CHD1: variants seen among roughly 807,000 people sequenced by gnomAD.
The protein encoded by CHD1 is chromodomain helicase DNA binding protein 1.
A neutral mutation model predicts 224.2 loss-of-function variants in CHD1; 36 were observed. The observed-to-expected ratio is 0.16, with a 90% confidence interval of 0.12 to 0.21. The LOEUF is 0.21. Ranked by LOEUF, CHD1 falls within the 10% of genes least tolerant of loss-of-function variation. The pLI, the probability that CHD1 is intolerant of heterozygous loss-of-function variation, is 1.00. For missense variants in CHD1, 1,378 were observed against 1,994.8 expected (o/e 0.69, Z 5.89); for synonymous variants, 668 against 658.3 (o/e 1.01, Z -0.23).
chr5:98,854,042 C>T lies in CHD1; in HGVS notation c.*2338G>A, dbSNP rs1270476368. 1 of 151,874 alleles carries T rather than the reference C, an allele frequency of 6.6e-6. No individual in the cohort carries two copies. The highest frequency in any genetic ancestry group is 1.5e-5 in the Non-Finnish European group (1 of 67,850). 9.4% of individuals were successfully genotyped at this position (151,874 alleles called of 1,614,324 possible). A position where few individuals can be genotyped will look rare whatever the true frequency, so the allele number is the denominator to read the frequency against. ...GAAGGTTAATTGGTACAGTACTATA[C>T]ATAATCTCTCACCCTTGAAAAATTA... On this transcript the variant is annotated 3_prime_UTR_variant, in exon 36 of 36. Coordinates refer to ENST00000614616, the MANE Select transcript of CHD1 (RefSeq NM_001270.4).
chr5:98,884,308 T>C (rs1403129806), intron 18 of CHD1, among the ~76,000 whole-genome samples: 2 of 151,958 alleles, frequency 1.3e-5, no homozygotes, highest in Admixed American at 1.3e-4. Flanking sequence ...TCTCCTGACC[T>C]CATGATCCGC....
intron 34 of CHD1, 44 bp downstream of exon 34, chr5:98,858,920 A>C (rs768299632): frequency 2.8e-6 from 4 of 1,408,076 alleles, no homozygotes; most frequent in South Asian, 1.5e-5. Flanking sequence ...AATTTAAAAA[A>C]AATTTTTTTT....
At chr5:98,912,649 C>T (rs114458284) in intron 2 of CHD1, among the ~76,000 whole-genome samples, 2,226 of 151,948 alleles carry the variant, frequency 0.015, 26 homozygotes, top group Non-Finnish European at 0.025. Flanking sequence ...CCATCCCGAG[C>T]GACAAGGCAA....
intron 2 of CHD1, among the ~76,000 whole-genome samples, chr5:98,911,146 A>AAAAAAAAAAATAT (rs1491111295): frequency 2.6e-5 from 1 of 39,142 alleles, no homozygotes; most frequent in African/African-American, 1.2e-4. Context: ...AAAAAAAAAA[A>AAAAAAAAAAATAT]ATATATATAT....
intron 29 of CHD1, among the ~76,000 whole-genome samples, chr5:98,870,099 T>G (rs1193097968): frequency 6.6e-6 from 1 of 152,110 alleles, no homozygotes; most frequent in African/African-American, 2.4e-5. Flanking sequence ...TTATTATTCC[T>G]TTAAAAAAAG....
At chr5:98,881,883 A>G in intron 20 of CHD1, 92 bp downstream of exon 20, 3 of 1,095,670 alleles carry the variant, frequency 2.7e-6, no homozygotes, top group Non-Finnish European at 3.9e-6. Flanking sequence ...AACTCTGAAT[A>G]CATTTCCTCA....
At chr5:98,867,700 G>A (rs898113284) in intron 31 of CHD1, among the ~76,000 whole-genome samples, 8 of 151,380 alleles carry the variant, frequency 5.3e-5, no homozygotes, top group African/African-American at 1.7e-4. Flanking sequence ...AAGTCTTTCC[G>A]AGTTGCTTCT....
At chr5:98,911,146 A>AAAAAAAAAAAATAT (rs1491111295) in intron 2 of CHD1, among the ~76,000 whole-genome samples, 1 of 39,144 alleles carries the variant, frequency 2.6e-5, no homozygotes, top group Non-Finnish European at 4.5e-5. Flanking sequence ...AAAAAAAAAA[A>AAAAAAAAAAAATAT]ATATATATAT....
chr5:98,886,461 T>A (rs1288765452), intron 17 of CHD1, among the ~76,000 whole-genome samples: 1 of 152,136 alleles, frequency 6.6e-6, no homozygotes, highest in Non-Finnish European at 1.5e-5. Context: ...TATTAAACAT[T>A]AGCTGCTATT....
intron 17 of CHD1, chr5:98,885,893 C>T (rs1446867232): frequency 1.9e-5 from 8 of 420,820 alleles, no homozygotes; most frequent in Non-Finnish European, 3.4e-5. Flanking sequence ...GCCTGAGTCC[C>T]CATTCTAAAA....
At chr5:98,861,649 A>G (rs928447074) in intron 32 of CHD1, among the ~76,000 whole-genome samples, 4 of 150,376 alleles carry the variant, frequency 2.7e-5, no homozygotes, top group Admixed American at 6.6e-5. Context: ...CTACAGGCAC[A>G]TGCCACCATG....
chr5:98,894,343 A>G (rs1751212525), intron 13 of CHD1, among the ~76,000 whole-genome samples: 1 of 152,216 alleles, frequency 6.6e-6, no homozygotes. Context: ...TTCTAAGAAG[A>G]GCCAGATAGT....
chr5:98,881,540 C>A (rs957756711), intron 20 of CHD1, among the ~76,000 whole-genome samples, 165 bp from the exon 21 acceptor site: 5 of 149,960 alleles, frequency 3.3e-5, no homozygotes, highest in Non-Finnish European at 7.4e-5. Context: ...GACAGTGTCT[C>A]CTTCTGTCAC....
intron 30 of CHD1, 87 bp from the exon 31 acceptor site, chr5:98,868,722 T>C (rs1387171681): frequency 3.2e-6 from 4 of 1,247,184 alleles, no homozygotes; most frequent in Non-Finnish European, 3.3e-6. Flanking sequence ...ATAATTACTG[T>C]CTCATTTTAT....
chr5:98,878,681 T>C (rs1040495617), intron 23 of CHD1, among the ~76,000 whole-genome samples: 1 of 152,144 alleles, frequency 6.6e-6, no homozygotes, highest in Non-Finnish European at 1.5e-5. Context: ...CATGACAGAA[T>C]TAAACTACCA....
At chr5:98,885,311 G>C (rs992680940) in intron 18 of CHD1, among the ~76,000 whole-genome samples, 1 of 152,118 alleles carries the variant, frequency 6.6e-6, no homozygotes, top group Non-Finnish European at 1.5e-5. Context: ...AGAATAGCTT[G>C]AACCTGGGAG....
chr5:98,899,789 T>A (rs1450516809), intron 7 of CHD1, 84 bp from the exon 8 acceptor site: 1 of 849,950 alleles, frequency 1.2e-6, no homozygotes, highest in African/African-American at 1.7e-5. Flanking sequence ...ATAATATGAG[T>A]ACAAAAATAT....
rs1433235678 is a variant in CHD1 at position 98,854,206 on chromosome 5, T to C, written c.*2174A>G. On this transcript the variant is annotated 3_prime_UTR_variant, in exon 36 of 36. Transcript: ENST00000614616. ...TTCTTACAAAAATGAACATATTTTA[T>C]CATTTGATAAATGTACATACAGTTC... 1 of 152,066 alleles carries C rather than the reference T, an allele frequency of 6.6e-6. No homozygotes were observed. Among genetic ancestry groups the C allele is most frequent in the African/African-American group, 2.4e-5 (1 of 41,448 alleles). The allele number at this position is 152,066 out of a possible 1,614,324, so 9.4% of individuals were successfully genotyped here. A position where few individuals can be genotyped will look rare whatever the true frequency, so the allele number is the denominator to read the frequency against.
At chr5:98,911,142 AAAAAATATAT>A (rs1473626622) in intron 2 of CHD1, among the ~76,000 whole-genome samples, 5 of 81,384 alleles carry the variant, frequency 6.1e-5, no homozygotes, top group African/African-American at 6.1e-5. Context: ...AAAAAAAAAA[AAAAAATATAT>A]ATATATATAT....
Sources: gnomAD v4.1 joint callset for allele counts (sites outside exome capture counted in the v4.1 genomes callset) on GRCh38, gnomAD v4.1.1 for gene constraint, MANE v1.5 for transcripts, NCBI Gene and HGNC (gene_info 2026-07-23, HGNC 2026-07-21) for gene names.